The following SLC35F3 variants were observed in gnomAD, a reference collection of about 807,000 sequenced individuals.
The protein encoded by SLC35F3 is solute carrier family 35 member F3, also known as putative thiamine transporter SLC35F3.
Under a neutral mutation model 49.9 loss-of-function variants are expected in SLC35F3, and 25 were observed. That is an observed-to-expected ratio of 0.50 (90% CI 0.37 to 0.70). The LOEUF is 0.70. Ranked by LOEUF, SLC35F3 falls within the 30% of genes least tolerant of loss-of-function variation. The probability of loss-of-function intolerance (pLI) is 0.00; values close to 1 mark genes in which losing one functional copy is unlikely to be tolerated. For missense variants in SLC35F3, 525 were observed against 639.8 expected (o/e 0.82, Z 1.94); for synonymous variants, 275 against 265.4 (o/e 1.04, Z -0.35).
At chr1:234,232,535 A>AAAAAG (rs56015313) in intron 3 of SLC35F3, among the ~76,000 whole-genome samples, 3,238 of 144,212 alleles carry the variant, frequency 0.022, 38 homozygotes, top group Non-Finnish European at 0.037. Context: ...AAAAAAAAAA[A>AAAAAG]AAAAAGAAAA....
chr1:234,215,417 C>T (rs1487770241), intron 2 of SLC35F3, among the ~76,000 whole-genome samples: 1 of 152,172 alleles, frequency 6.6e-6, no homozygotes, highest in African/African-American at 2.4e-5. Flanking sequence ...TTCTTAACTC[C>T]TCCTCCCAGG....
chr1:233,915,120 G>A (rs1661946712), intron 2 of SLC35F3, among the ~76,000 whole-genome samples: 1 of 152,170 alleles, frequency 6.6e-6, no homozygotes, highest in Non-Finnish European at 1.5e-5. Flanking sequence ...TTTGAGAAAT[G>A]TTTTCTGTGA....
intron 2 of SLC35F3, among the ~76,000 whole-genome samples, chr1:233,924,306 T>C (rs538127635): frequency 6.6e-6 from 1 of 152,358 alleles, no homozygotes; most frequent in South Asian, 2.1e-4. Context: ...CTATTAATTA[T>C]TGCCTCAATT....
At chr1:234,167,911 G>A (rs1422102268) in intron 2 of SLC35F3, among the ~76,000 whole-genome samples, 1 of 152,190 alleles carries the variant, frequency 6.6e-6, no homozygotes, top group Non-Finnish European at 1.5e-5. Flanking sequence ...CGCACTTTCT[G>A]GAATAAGCGA....
chr1:234,309,028 A>T (rs1445594050), intron 3 of SLC35F3, 73 bp from the exon 4 acceptor site: 30 of 1,290,610 alleles, frequency 2.3e-5, no homozygotes, highest in Non-Finnish European at 3.2e-5. Flanking sequence ...AAAAAAAAAA[A>T]CTTGCTATAG....
intron 2 of SLC35F3, among the ~76,000 whole-genome samples, chr1:234,193,886 C>T (rs570939010): frequency 2.0e-5 from 3 of 152,106 alleles, no homozygotes; most frequent in South Asian, 4.1e-4. Flanking sequence ...AAATGAAAAC[C>T]GCAATACAAT....
At chr1:234,105,136 A>AC (rs1433566232) in intron 2 of SLC35F3, among the ~76,000 whole-genome samples, 19 of 152,066 alleles carry the variant, frequency 1.2e-4, no homozygotes, top group African/African-American at 4.6e-4. Context: ...AAAAAAAAAA[A>AC]AAAAAAACCT....
intron 2 of SLC35F3, among the ~76,000 whole-genome samples, chr1:234,099,226 G>T (rs1422553407): frequency 6.6e-6 from 1 of 152,128 alleles, no homozygotes; most frequent in Non-Finnish European, 1.5e-5. Flanking sequence ...TTACTTAGCA[G>T]TGGTTTCTGG....
intron 2 of SLC35F3, among the ~76,000 whole-genome samples, chr1:233,933,322 AT>A (rs937879273): frequency 4.7e-5 from 7 of 148,754 alleles, no homozygotes; most frequent in African/African-American, 4.9e-5. Flanking sequence ...GTATACCGTT[AT>A]TTTTTTTTTA....
intron 2 of SLC35F3, among the ~76,000 whole-genome samples, chr1:233,936,553 C>G (rs1051167338): frequency 6.6e-6 from 1 of 151,524 alleles, no homozygotes; most frequent in Non-Finnish European, 1.5e-5. Flanking sequence ...TCCTCCTCCT[C>G]TTTCTTCTTC....
chr1:233,992,722 T>C (rs1413545523), intron 2 of SLC35F3, among the ~76,000 whole-genome samples: 3 of 152,306 alleles, frequency 2.0e-5, no homozygotes, highest in South Asian at 4.2e-4. Flanking sequence ...CATAGCACCA[T>C]TGTTAACAAT....
chr1:234,181,576 T>G (rs1294060847), intron 2 of SLC35F3, among the ~76,000 whole-genome samples: 1 of 152,182 alleles, frequency 6.6e-6, no homozygotes, highest in South Asian at 2.1e-4. Flanking sequence ...TATAGGTGCC[T>G]CCTCCATTTT....
At chr1:234,224,649 G>A (rs1163001361) in intron 2 of SLC35F3, among the ~76,000 whole-genome samples, 2 of 152,348 alleles carry the variant, frequency 1.3e-5, no homozygotes, top group African/African-American at 2.4e-5. Flanking sequence ...AGGGGAGAAC[G>A]AGAGGAATGA....
Position 234,316,746 on chromosome 1 carries a change from C to G in SLC35F3, c.954+19C>G. 1 of 1,587,514 alleles carries G rather than the reference C, an allele frequency of 6.3e-7. No individual in the cohort carries two copies. Among genetic ancestry groups the G allele is most frequent in the East Asian group, 2.3e-5 (1 of 44,014 alleles). The stretch of plus-strand genomic sequence containing the variant: ...CTACAAGGTACGCCCGGGGAGTGAA[C>G]TTTCTCAGCTGGCTGGGCTCTCCTC... On this transcript the variant is annotated intron_variant, in intron 5 of 7. Coordinates refer to ENST00000366618, the MANE Select transcript of SLC35F3 (RefSeq NM_173508.4).
chr1:234,084,005 T>C (rs1203462754), intron 2 of SLC35F3, among the ~76,000 whole-genome samples: 3 of 152,000 alleles, frequency 2.0e-5, no homozygotes, highest in Admixed American at 6.6e-5. Context: ...GCCCGGCTAA[T>C]TTTTTGTATT....
chr1:234,206,551 C>T (rs910188882), intron 2 of SLC35F3, among the ~76,000 whole-genome samples: 1 of 151,980 alleles, frequency 6.6e-6, no homozygotes, highest in African/African-American at 2.4e-5. Context: ...GACGTGCCCA[C>T]CTTGACCCCT....
intron 3 of SLC35F3, chr1:234,285,418 T>C: frequency 2.2e-6 from 1 of 451,438 alleles, no homozygotes; most frequent in Admixed American, 2.4e-5. Flanking sequence ...GAAAATGACG[T>C]TGAGCTTGTT....
chr1:233,935,660 C>T (rs1662311771), intron 2 of SLC35F3, among the ~76,000 whole-genome samples: 1 of 152,150 alleles, frequency 6.6e-6, no homozygotes, highest in South Asian at 2.1e-4. Context: ...CTTATGTTGC[C>T]TTGAGAGGCT....
At chr1:234,299,823 A>AT in intron 3 of SLC35F3, among the ~76,000 whole-genome samples, 1 of 150,524 alleles carries the variant, frequency 6.6e-6, no homozygotes, top group South Asian at 2.1e-4. Context: ...AAAAAAAAAA[A>AT]AGAGAAGAAA....
Sources: allele counts gnomAD v4.1 joint callset (sites outside exome capture counted in the v4.1 genomes callset), GRCh38; gene constraint gnomAD v4.1.1; transcripts MANE v1.5; gene names NCBI Gene and HGNC (gene_info 2026-07-23, HGNC 2026-07-21).